The following RAD51D variants were observed in gnomAD, a reference collection of about 807,000 sequenced individuals.
The protein encoded by RAD51D is RAD51 paralog D, also known as DNA repair protein RAD51 homolog 4.
In RAD51D, 38 loss-of-function variants were observed where a neutral mutation model predicts 44.1. The observed-to-expected ratio is 0.86, with a 90% CI of 0.67 to 1.13. The LOEUF (loss-of-function observed/expected upper bound fraction) is 1.13. Ranked by LOEUF, RAD51D falls within the 50% of genes most tolerant of loss-of-function variation. RAD51D has a pLI of 0.00. For synonymous variants in RAD51D, 141 were observed against 166.6 expected (o/e 0.85, Z 1.18); for missense variants, 390 against 414.0 (o/e 0.94, Z 0.50).
In RAD51D at chr17:35,109,012, G is replaced by A. The variant is rs28743176; in HGVS notation, c.264-1565C>T. ...CTCCCGAGTACCTGGGATTACAGGC[G>A]CCCACCACCACACCTGGATAATTTT... On this transcript the variant is annotated intron_variant, in intron 3 of 9. Coordinates refer to ENST00000345365, the MANE Select transcript of RAD51D (RefSeq NM_002878.4). 5.2e-3 allele frequency among the ~76,000 whole-genome samples: 790 copies of A among 151,686 alleles called. 8 individuals are homozygous for A. Among genetic ancestry groups the A allele is most frequent in the African/African-American group, 0.014 (587 of 41,332 alleles).
intron 6 of RAD51D, among the ~76,000 whole-genome samples, chr17:35,105,753 C>T (rs986221699): frequency 1.3e-5 from 2 of 152,042 alleles, no homozygotes; most frequent in African/African-American, 4.8e-5. Context: ...GGATGGTGGG[C>T]CCAGGTCTTA....
At position 35,097,728 on chromosome 17, in the gene RAD51D, TAAAGAG is replaced by T. The variant is rs2091497400; in HGVS notation, c.*3219_*3224del. 6.6e-6 allele frequency: 1 copy of T among 151,948 alleles called. No homozygotes were observed. The highest frequency in any genetic ancestry group is 2.1e-4 in the South Asian group (1 of 4,820). 9.4% of individuals were successfully genotyped at this position (151,948 alleles called of 1,614,324 possible). A position where few individuals can be genotyped will look rare whatever the true frequency, so the allele number is the denominator to read the frequency against. ...ATCATTACTGAGCTTCCATAATGTA[TAAAGAG>T]AAAAAGTGACAAAAAGTGGGAGCCT... On this transcript the variant is annotated 3_prime_UTR_variant, in exon 10 of 10. Transcript: ENST00000345365.
intron 3 of RAD51D, among the ~76,000 whole-genome samples, chr17:35,109,662 A>C (rs1410078706): frequency 6.6e-6 from 1 of 151,884 alleles, no homozygotes; most frequent in African/African-American, 2.4e-5. Flanking sequence ...AATAGTTAAT[A>C]GTGTTGAACT....
rs557107641 is a variant in RAD51D, at chr17:35,097,008, A to G, written c.*3945T>C. On this transcript the variant is annotated 3_prime_UTR_variant, in exon 10 of 10. Coordinates refer to ENST00000345365, the MANE Select transcript of RAD51D (RefSeq NM_002878.4). Reference sequence around the variant, plus strand: ...AATTAAGGCCATCAAGTGCTAGCACATAGTAGGATCTCAACATTAATTTCA... The same window carrying G: ...AATTAAGGCCATCAAGTGCTAGCACGTAGTAGGATCTCAACATTAATTTCA... The G allele has an allele frequency of 2.0e-5, 3 of 152,326 alleles. No homozygotes were observed. The highest frequency in any genetic ancestry group is 7.2e-5 in the African/African-American group (3 of 41,576). The allele number at this position is 152,326 out of a possible 1,614,324, so 9.4% of individuals were successfully genotyped here.
In RAD51D at chr17:35,103,400, A is replaced by G. The variant is rs566186822; in HGVS notation, c.667+54T>C. 2.0e-5 allele frequency: 32 copies of G among 1,608,682 alleles called. No individual in the cohort carries two copies. In the South Asian group the frequency reaches 2.7e-4, roughly 14 times the overall value. On this transcript the variant is annotated intron_variant, in intron 7 of 9. Transcript: ENST00000345365. This position sits in a 1 kb window ranked among gnomAD's most constrained non-coding sequence, Gnocchi z 4.1. The stretch of plus-strand genomic sequence containing the variant: ...GGGCTGGCCAGAGACCAGACTCCAG[A>G]GCTGGGAGGCGAGGTCACATTCCAC...
At chr17:35,115,763 G>A (rs1454923746) in intron 3 of RAD51D, among the ~76,000 whole-genome samples, 2 of 151,738 alleles carry the variant, frequency 1.3e-5, no homozygotes, top group Non-Finnish European at 2.9e-5. Context: ...CCAGCTACTC[G>A]GGAGGCTGAG....
intron 3 of RAD51D, among the ~76,000 whole-genome samples, chr17:35,109,728 C>T (rs2091652451): frequency 6.6e-6 from 1 of 151,372 alleles, no homozygotes; most frequent in Admixed American, 6.6e-5. Flanking sequence ...AGTGCAATGG[C>T]GTGATCTCGG....
Position 35,118,598 on chromosome 17 carries a change from C to G in RAD51D, c.166G>C (p.Val56Leu), listed in dbSNP as rs587782052. 6.2e-7 allele frequency: 1 copy of G among 1,614,214 alleles called. No homozygotes were observed. The highest frequency in any genetic ancestry group is 8.5e-7 in the Non-Finnish European group (1 of 1,180,034). Residue 56 changes from valine to leucine, a missense_variant, in exon 3 of 10, where the codon GTG (valine) becomes CTG (leucine). Val to Leu is a conservative substitution (Grantham distance 32). Coordinates refer to ENST00000345365, the MANE Select transcript of RAD51D (RefSeq NM_002878.4). ...SYKALVALRR[V>L]LLAQFSAFPV... ...AAAGCCGAGAACTGAGCCAGCAGCA[C>G]CCGCCTCAGGGCAACCAGGGCCTGC... is the stretch of plus-strand genomic sequence containing the variant.
intron 2 of RAD51D, 106 bp downstream of exon 2, chr17:35,119,005 C>A (rs1276559328): frequency 9.0e-7 from 1 of 1,106,402 alleles, no homozygotes; most frequent in Admixed American, 1.8e-5. Flanking sequence ...CCGCCTCGGC[C>A]TCCCAAAGTG....
Position 35,107,334 on chromosome 17 carries a change from T to A in RAD51D, c.345+32A>T, listed in dbSNP as rs375494170. ...GCTATGCATCTACCACCCTCACCCC[T>A]AAATCCTCCTGACTGCTGGCCTCAC... On this transcript the variant is annotated intron_variant, in intron 4 of 9. Coordinates refer to ENST00000345365, the MANE Select transcript of RAD51D (RefSeq NM_002878.4). 5 of 1,526,874 alleles carry A rather than the reference T, an allele frequency of 3.3e-6. No homozygotes were observed. In the African/African-American group the frequency reaches 6.9e-5, roughly 21 times the overall value. The allele number at this position is 1,526,874 out of a possible 1,614,324, so 94.6% of individuals were successfully genotyped here. A position where few individuals can be genotyped will look rare whatever the true frequency, so the allele number is the denominator to read the frequency against.
At chr17:35,117,210 A>G (rs567238902) in intron 3 of RAD51D, among the ~76,000 whole-genome samples, 62 of 152,320 alleles carry the variant, frequency 4.1e-4, no homozygotes, top group African/African-American at 1.4e-3. Context: ...TGTATGTATC[A>G]TCTGCACATA....
In RAD51D at chr17:35,092,664, C is replaced by T. The variant is rs1405819690; in HGVS notation, c.*8289G>A. 1 of 152,072 alleles carries T rather than the reference C, an allele frequency of 6.6e-6. No individual in the cohort carries two copies. Among genetic ancestry groups the T allele is most frequent in the South Asian group, 2.1e-4 (1 of 4,818 alleles). The allele number at this position is 152,072 out of a possible 1,614,324, so 9.4% of individuals were successfully genotyped here. ...ATCACCATTCCATTTCACCAGCACC[C>T]CTACCAACCTCTCTGGATCTAATAG... On this transcript the variant is annotated 3_prime_UTR_variant, in exon 10 of 10. Coordinates refer to ENST00000345365, the MANE Select transcript of RAD51D (RefSeq NM_002878.4).
intron 3 of RAD51D, among the ~76,000 whole-genome samples, chr17:35,111,876 A>G (rs1039793844): frequency 6.6e-6 from 1 of 152,224 alleles, no homozygotes. Flanking sequence ...CTTGGGGACA[A>G]TTGAAATCTT....
rs1312539675 is a variant in RAD51D, at chr17:35,119,734, C to A, written c.-121G>T. On this transcript the variant is annotated 5_prime_UTR_variant, in exon 1 of 10. Transcript: ENST00000345365. ...GAGAGGACACAGGCGCGCTGGCTGC[C>A]GGAGGAGAAAGGAGAGAGGAGGAGG... is the stretch of plus-strand genomic sequence containing the variant. 2.0e-6 allele frequency: 2 copies of A among 1,000,918 alleles called. No homozygotes were observed. The highest frequency in any genetic ancestry group is 1.3e-5 in the South Asian group (1 of 76,480). The allele number at this position is 1,000,918 out of a possible 1,614,324, so 62.0% of individuals were successfully genotyped here.
chr17:35,097,439 G>GTA lies in RAD51D; in HGVS notation c.*3512_*3513dup, dbSNP rs1478565253. On this transcript the variant is annotated 3_prime_UTR_variant, in exon 10 of 10. Transcript: ENST00000345365. ...GGCTCATATGTGTATATATATGTGTGTATATATATGTGTGTATATATATAT... is the reference window on the plus strand; with the variant it reads ...GGCTCATATGTGTATATATATGTGTGTATATATATATGTGTGTATATATATAT... 4.3e-5 allele frequency: 6 copies of GTA among 140,358 alleles called. No homozygotes were observed. Among genetic ancestry groups the GTA allele is most frequent in the African/African-American group, 1.6e-4 (6 of 38,154 alleles). 8.7% of individuals were successfully genotyped at this position (140,358 alleles called of 1,614,324 possible).
intron 3 of RAD51D, among the ~76,000 whole-genome samples, chr17:35,116,651 C>T (rs1055615015): frequency 3.9e-5 from 6 of 152,014 alleles, no homozygotes; most frequent in South Asian, 2.1e-4. Context: ...CCCGCCACCA[C>T]GCCCAGCTAA....
chr17:35,110,002 C>G (rs1169285794), intron 3 of RAD51D, among the ~76,000 whole-genome samples: 1 of 146,356 alleles, frequency 6.8e-6, no homozygotes. Flanking sequence ...TCACGTCTCA[C>G]TGTGTCACCC....
At chr17:35,115,896 A>AAAGGAAGGAAGGAAGGAAGG (rs201705308) in intron 3 of RAD51D, among the ~76,000 whole-genome samples, 27 of 84,746 alleles carry the variant, frequency 3.2e-4, no homozygotes, top group East Asian at 1.3e-3. Context: ...GGAAAGAAGG[A>AAAGGAAGGAAGGAAGGAAGG]AAGGAAGGAA....
rs28743174 is a variant in RAD51D at position 35,109,591 on chromosome 17, T to G, written c.264-2144A>C. The stretch of plus-strand genomic sequence containing the variant: ...ATTTGGTATTATCATTATTTTTTTA[T>G]TTTAGTCTTTCTGATAGGTATGAAA... On this transcript the variant is annotated intron_variant, in intron 3 of 9. Coordinates refer to ENST00000345365, the MANE Select transcript of RAD51D (RefSeq NM_002878.4). 3.9e-3 allele frequency among the ~76,000 whole-genome samples: 598 copies of G among 152,334 alleles called. 6 individuals are homozygous for G. Among genetic ancestry groups the G allele is most frequent in the African/African-American group, 0.014 (569 of 41,574 alleles).
Sources: allele counts gnomAD v4.1 joint callset (sites outside exome capture counted in the v4.1 genomes callset), GRCh38; gene constraint gnomAD v4.1.1; non-coding constraint Gnocchi (gnomAD v3.1); transcripts MANE v1.5; gene names NCBI Gene and HGNC (gene_info 2026-07-23, HGNC 2026-07-21).